The following NRG3 variants were observed in gnomAD, a reference collection of about 807,000 sequenced individuals.
NRG3 encodes neuregulin 3.
In NRG3, 31 loss-of-function variants were observed where a neutral mutation model predicts 66.9. The observed-to-expected ratio is 0.46, with a 90% confidence interval of 0.35 to 0.63. The LOEUF (loss-of-function observed/expected upper bound fraction) is 0.63, where lower values mean the gene tolerates loss of function less well. Among genes scored for constraint, NRG3 ranks in the 20% least tolerant of loss-of-function variants. The probability of loss-of-function intolerance (pLI) is 0.00; values close to 1 mark genes in which losing one functional copy is unlikely to be tolerated. For missense variants in NRG3, 910 were observed against 878.9 expected (o/e 1.04, Z -0.45); for synonymous variants, 393 against 359.4 (o/e 1.09, Z -1.06).
At chr10:82,497,113 C>CA (rs1181936235) in intron 2 of NRG3, among the ~76,000 whole-genome samples, 2 of 152,092 alleles carry the variant, frequency 1.3e-5, no homozygotes, top group Admixed American at 6.6e-5. Flanking sequence ...ATATCCTATT[C>CA]AAAAAACTGA....
At chr10:82,319,467 G>A (rs75431532) in intron 1 of NRG3, among the ~76,000 whole-genome samples, 2,471 of 152,226 alleles carry the variant, frequency 0.016, 61 homozygotes, top group African/African-American at 0.055. Flanking sequence ...ATTTGCATGG[G>A]GATTTCAAGC....
chr10:82,547,499 GTA>G (rs57180546), intron 2 of NRG3, among the ~76,000 whole-genome samples: 3 of 148,974 alleles, frequency 2.0e-5, no homozygotes, highest in Admixed American at 1.3e-4. Context: ...ATACATATGT[GTA>G]TATATATATT....
intron 1 of NRG3, among the ~76,000 whole-genome samples, chr10:81,942,652 C>G (rs1049137844): frequency 1.5e-4 from 23 of 152,062 alleles, no homozygotes; most frequent in African/African-American, 5.3e-4. Flanking sequence ...ACATTGAGCC[C>G]CTTATCTTTC....
At chr10:81,967,055 T>G (rs111284518) in intron 1 of NRG3, among the ~76,000 whole-genome samples, 2,447 of 152,050 alleles carry the variant, frequency 0.016, 28 homozygotes, top group Middle Eastern at 0.035. Context: ...TTTTATACAC[T>G]TAAGGTTTTA....
chr10:82,775,310 T>C (rs902886389), intron 3 of NRG3, among the ~76,000 whole-genome samples: 1 of 152,058 alleles, frequency 6.6e-6, no homozygotes, highest in African/African-American at 2.4e-5. Context: ...TGTGTTTCTA[T>C]TGTCATTTGA....
chr10:81,974,876 G>A (rs183364898), intron 1 of NRG3, among the ~76,000 whole-genome samples: 217 of 152,242 alleles, frequency 1.4e-3, no homozygotes, highest in Non-Finnish European at 2.6e-3. Context: ...AAGGAAGCTA[G>A]TGGGAGTTTA....
At chr10:82,895,486 CTTTTTTTT>C (rs57655284) in intron 4 of NRG3, among the ~76,000 whole-genome samples, 1 of 128,338 alleles carries the variant, frequency 7.8e-6, no homozygotes, top group African/African-American at 2.9e-5. Context: ...CAATAACATT[CTTTTTTTT>C]TTTTTTTTTG....
At chr10:82,280,636 G>A (rs957502804) in intron 1 of NRG3, among the ~76,000 whole-genome samples, 1 of 152,052 alleles carries the variant, frequency 6.6e-6, no homozygotes, top group South Asian at 2.1e-4. Flanking sequence ...GTATCACTTT[G>A]GACACTCTCC....
intron 1 of NRG3, among the ~76,000 whole-genome samples, chr10:82,174,551 C>T (rs998319796): frequency 6.6e-6 from 1 of 152,064 alleles, no homozygotes; most frequent in Admixed American, 6.6e-5. Context: ...AGATCTCATT[C>T]ATTTATATTT....
intron 1 of NRG3, among the ~76,000 whole-genome samples, chr10:81,930,534 A>G (rs373786077): frequency 9.2e-5 from 14 of 151,918 alleles, no homozygotes; most frequent in African/African-American, 3.4e-4. Context: ...GAAAAAGGAA[A>G]CAAAAAGACA....
chr10:82,831,097 G>T (rs2062496762), intron 3 of NRG3, among the ~76,000 whole-genome samples: 1 of 152,124 alleles, frequency 6.6e-6, no homozygotes, highest in South Asian at 2.1e-4. Context: ...AGGAACATTA[G>T]AGGTTGCTAA....
At chr10:82,423,847 G>T (rs919195869) in intron 2 of NRG3, among the ~76,000 whole-genome samples, 1 of 151,874 alleles carries the variant, frequency 6.6e-6, no homozygotes, top group East Asian at 1.9e-4. Context: ...ACTAATCTAC[G>T]TATGTATTTG....
intron 4 of NRG3, among the ~76,000 whole-genome samples, chr10:82,916,519 T>C (rs1016291827): frequency 1.3e-5 from 2 of 152,204 alleles, no homozygotes; most frequent in African/African-American, 4.8e-5. Context: ...AGTTCCAGTA[T>C]ACCTTATATA....
intron 2 of NRG3, among the ~76,000 whole-genome samples, chr10:82,444,327 T>G (rs1169924141): frequency 1.3e-5 from 2 of 152,152 alleles, no homozygotes; most frequent in Non-Finnish European, 2.9e-5. Flanking sequence ...GGTCTTGAAC[T>G]CCTGACCTTA....
intron 2 of NRG3, among the ~76,000 whole-genome samples, chr10:82,493,622 T>C (rs1327414451): frequency 6.6e-6 from 1 of 152,176 alleles, no homozygotes; most frequent in Non-Finnish European, 1.5e-5. Context: ...ACAGAGTAAT[T>C]TATATTCCTC....
chr10:82,637,517 G>T (rs1468009348), intron 2 of NRG3, among the ~76,000 whole-genome samples: 2 of 152,104 alleles, frequency 1.3e-5, no homozygotes, highest in Admixed American at 6.6e-5. Context: ...TTAATGATGA[G>T]TCAAGTCCCA....
chr10:82,528,947 A>C (rs1346498266), intron 2 of NRG3, among the ~76,000 whole-genome samples: 1 of 152,074 alleles, frequency 6.6e-6, no homozygotes, highest in Admixed American at 6.6e-5. Context: ...CTAGTTTAGC[A>C]CTTGTTCTAG....
At chr10:82,676,672 CAG>C (rs1267382972) in intron 2 of NRG3, among the ~76,000 whole-genome samples, 1 of 151,962 alleles carries the variant, frequency 6.6e-6, no homozygotes, top group Non-Finnish European at 1.5e-5. Context: ...TTAGTAGAGA[CAG>C]AGTTTTGCCA....
At position 82,911,764 on chromosome 10, in the gene NRG3, ATT is replaced by A. The variant is rs1464673253; in HGVS notation, c.1055-39703_1055-39702del. On this transcript the variant is annotated intron_variant, in intron 4 of 8. Coordinates refer to ENST00000372141, the MANE Select transcript of NRG3 (RefSeq NM_001010848.4). The stretch of plus-strand genomic sequence containing the variant: ...CATTGATATTGCTCTAGTTTTTATT[ATT>A]TCTCTTCTTCTGATTACTGTAGATA... 4.7e-5 allele frequency among the ~76,000 whole-genome samples: 7 copies of A among 150,242 alleles called. No homozygotes were observed. The East Asian group carries it at 1.2e-3, about 25-fold the overall frequency.
Sources: gnomAD v4.1 joint callset for allele counts (sites outside exome capture counted in the v4.1 genomes callset) on GRCh38, gnomAD v4.1.1 for gene constraint, MANE v1.5 for transcripts, NCBI Gene and HGNC (gene_info 2026-07-23, HGNC 2026-07-21) for gene names.